Variants in SORBS2 observed in about 807,000 individuals in gnomAD.
SORBS2 encodes sorbin and SH3 domain containing 2.
SORBS2 carries 46 observed loss-of-function variants against 97.7 expected under a neutral mutation model. That is an observed-to-expected ratio of 0.47 (90% CI 0.37 to 0.60). The LOEUF is 0.60. Ranked by LOEUF, SORBS2 falls within the 20% of genes least tolerant of loss-of-function variation. The pLI is 0.00. For synonymous variants in SORBS2, 476 were observed against 473.4 expected, an observed-to-expected ratio of 1.01 and a Z score of -0.07; for missense variants, 1,316 against 1,282.3, an observed-to-expected ratio of 1.03 and a Z score of -0.40.
At chr4:185,904,321 A>T (rs2149841153) in intron 1 of SORBS2, among the ~76,000 whole-genome samples, 1 of 152,314 alleles carries the variant, frequency 6.6e-6, no homozygotes, top group Admixed American at 6.5e-5. Context: ...ATGGGGACAG[A>T]GGCTGGGAGG....
upstream of SORBS2, among the ~76,000 whole-genome samples, chr4:185,658,591 T>C (rs1561737878): frequency 2.6e-5 from 4 of 152,028 alleles, no homozygotes; most frequent in African/African-American, 9.7e-5. Flanking sequence ...TGAAAAAAAT[T>C]CTCATGTTTC....
intron 2 of SORBS2, among the ~76,000 whole-genome samples, chr4:185,729,292 G>A (rs1016757503): frequency 1.3e-5 from 2 of 152,214 alleles, no homozygotes; most frequent in Non-Finnish European, 2.9e-5. Context: ...AGAAAATCTA[G>A]TTTTTTCATT....
At position 185,861,300 on chromosome 4, in the gene SORBS2, G is replaced by A. The variant is rs988112470; in HGVS notation, c.-337-85934C>T. 6.6e-5 allele frequency among the ~76,000 whole-genome samples: 9 copies of A among 135,790 alleles called. No homozygotes were observed. In the East Asian group the frequency reaches 2.2e-3, roughly 34 times the overall value. The allele number at this position is 135,790 out of a possible 152,430, so 89.1% of individuals were successfully genotyped here. ...CTGAAGGTGAAGGTTTCTTTGGAAT[G>A]TCCTTCGCTGAAAATGGGGGGTGGG... On this transcript the variant is annotated intron_variant, in intron 1 of 20. Transcript: ENST00000284776.
chr4:185,670,849 G>T (rs1445782527), intron 4 of SORBS2, among the ~76,000 whole-genome samples: 1 of 152,156 alleles, frequency 6.6e-6, no homozygotes, highest in South Asian at 2.1e-4. Flanking sequence ...TTAGGAAGGG[G>T]GAGTAACTGG....
chr4:185,821,434 C>T (rs1336422942), intron 1 of SORBS2, among the ~76,000 whole-genome samples: 1 of 151,984 alleles, frequency 6.6e-6, no homozygotes, highest in Non-Finnish European at 1.5e-5. Flanking sequence ...ATGTTTGTTT[C>T]TTTTTTTGAG....
intron 1 of SORBS2, among the ~76,000 whole-genome samples, chr4:185,926,232 A>G (rs1561307474): frequency 1.3e-5 from 2 of 152,248 alleles, no homozygotes; most frequent in African/African-American, 4.8e-5. Flanking sequence ...CCTGGCTGCA[A>G]TGCCAAGAGG....
At chr4:185,874,101 T>A (rs962069291) in intron 1 of SORBS2, among the ~76,000 whole-genome samples, 2 of 152,200 alleles carry the variant, frequency 1.3e-5, no homozygotes, top group African/African-American at 4.8e-5. Context: ...TACAAGGATG[T>A]CCATCATATT....
rs1401824309 is a variant in SORBS2, at chr4:185,817,403, AC to A, written c.-337-42038del. The stretch of plus-strand genomic sequence containing the variant: ...GCTCCCAAGGAATTTGACTGTTTAT[AC>A]TTCATAATGATAAGCTTAAAAAGCG... On this transcript the variant is annotated intron_variant, in intron 1 of 20. Coordinates refer to the SORBS2 transcript ENST00000284776. 3.9e-5 allele frequency among the ~76,000 whole-genome samples: 6 copies of A among 152,288 alleles called. No homozygotes were observed. In the East Asian group the frequency reaches 1.2e-3, roughly 29 times the overall value.
At position 185,769,242 on chromosome 4, in the gene SORBS2, C is replaced by G. The variant is rs185344653; in HGVS notation, c.-198+5985G>C. Among the ~76,000 whole-genome samples the G allele has an allele frequency of 5.3e-5, 8 of 152,274 alleles. No individual in the cohort carries two copies. The East Asian group carries it at 1.5e-3, about 29-fold the overall frequency. On this transcript the variant is annotated intron_variant, in intron 2 of 20. Coordinates refer to the SORBS2 transcript ENST00000284776. ...GACCCAGATCCAAATGTGAAATTCG[C>G]TTATGTTATATGTAGTGTATCCAAA...
chr4:185,891,605 G>A (rs971430999), intron 1 of SORBS2, among the ~76,000 whole-genome samples: 3 of 152,038 alleles, frequency 2.0e-5, no homozygotes, highest in African/African-American at 7.3e-5. Context: ...GCTCCACTCG[G>A]ACCCACCAAC....
chr4:185,890,565 G>A (rs2099241960), intron 1 of SORBS2, among the ~76,000 whole-genome samples: 1 of 152,112 alleles, frequency 6.6e-6, no homozygotes, highest in Admixed American at 6.6e-5. Context: ...ACCCGCTTCC[G>A]GACTCCCCCA....
chr4:185,827,300 TCAC>T (rs2099201192), intron 1 of SORBS2, among the ~76,000 whole-genome samples: 3 of 81,370 alleles, frequency 3.7e-5, no homozygotes, highest in Non-Finnish European at 7.9e-5. Flanking sequence ...ATCATCATCA[TCAC>T]CATCATCACC....
intron 4 of SORBS2, among the ~76,000 whole-genome samples, chr4:185,663,037 G>C (rs1203740582): frequency 6.6e-6 from 1 of 152,134 alleles, no homozygotes; most frequent in Non-Finnish European, 1.5e-5. Flanking sequence ...TGTTCAATAG[G>C]TATCTATTCT....
chr4:185,948,650 T>A (rs1014461624), intron 1 of SORBS2, among the ~76,000 whole-genome samples: 1 of 151,030 alleles, frequency 6.6e-6, no homozygotes, highest in Non-Finnish European at 1.5e-5. Context: ...CCCAAGTAGC[T>A]GGGATTACAG....
intron 3 of SORBS2, among the ~76,000 whole-genome samples, chr4:185,648,129 G>GT (rs57907928): frequency 0.072 from 10,342 of 143,318 alleles, 389 homozygotes; most frequent in Admixed American, 0.13. Context: ...ATTTTTATTT[G>GT]TTTTTTTTTT....
chr4:185,645,114 G>A (rs571648039), intron 4 of SORBS2, among the ~76,000 whole-genome samples: 20 of 152,224 alleles, frequency 1.3e-4, no homozygotes, highest in East Asian at 9.6e-4. Flanking sequence ...GTGGGAGAGC[G>A]TCTAAAACCA....
intron 1 of SORBS2, among the ~76,000 whole-genome samples, chr4:185,795,213 A>G (rs1438750062): frequency 1.3e-5 from 2 of 152,170 alleles, no homozygotes; most frequent in African/African-American, 4.8e-5. Flanking sequence ...TATATAGCAG[A>G]TTCTTGTTGG....
At chr4:185,726,684 A>T (rs778519088) in intron 2 of SORBS2, among the ~76,000 whole-genome samples, 1 of 151,654 alleles carries the variant, frequency 6.6e-6, no homozygotes, top group Non-Finnish European at 1.5e-5. Context: ...GAACCAGAAT[A>T]TTGCTTGCTT....
chr4:185,951,294 C>T (rs987368733), intron 1 of SORBS2, among the ~76,000 whole-genome samples: 6 of 152,100 alleles, frequency 3.9e-5, no homozygotes, highest in African/African-American at 9.7e-5. Context: ...TTGTGGAGGG[C>T]GACACAGGAC....
Sources: allele counts gnomAD v4.1 joint callset (sites outside exome capture counted in the v4.1 genomes callset), GRCh38; gene constraint gnomAD v4.1.1; transcripts MANE v1.5; gene names NCBI Gene and HGNC (gene_info 2026-07-23, HGNC 2026-07-21).